NUDT5: variants seen among roughly 807,000 people sequenced by gnomAD.
NUDT5 encodes ADP-sugar pyrophosphatase.
NUDT5 carries 21 observed loss-of-function variants against 34.1 expected under a neutral mutation model. That is an observed-to-expected ratio of 0.62 (90% CI 0.44 to 0.89). NUDT5 has a LOEUF of 0.89. Ranked by LOEUF, NUDT5 falls within the 40% of genes least tolerant of loss-of-function variation. The pLI, the probability that NUDT5 is intolerant of heterozygous loss-of-function variation, is 0.00. For synonymous variants in NUDT5, 85 were observed against 97.6 expected (o/e 0.87, Z 0.76); for missense variants, 249 against 274.8 (o/e 0.91, Z 0.66).
intron 1 of NUDT5, among the ~76,000 whole-genome samples, chr10:12,186,801 A>G (rs953345756): frequency 2.0e-5 from 3 of 151,262 alleles, no homozygotes; most frequent in African/African-American, 7.3e-5. Context: ...TAATTTTTAT[A>G]TTTTTAGTAG....
In NUDT5 at chr10:12,166,402, C is replaced by T. The variant is rs1834694093; in HGVS notation, c.*1300G>A. 6.3e-6 allele frequency: 1 copy of T among 159,448 alleles called. No homozygotes were observed. Among genetic ancestry groups the T allele is most frequent in the Non-Finnish European group, 1.4e-5 (1 of 72,112 alleles). 9.9% of individuals were successfully genotyped at this position (159,448 alleles called of 1,614,324 possible). ...CTACCATTACAGGAAGTAGTTGGATCTTAATTTTCACATGTATAGGGCTAG... is the reference window on the plus strand; with the variant it reads ...CTACCATTACAGGAAGTAGTTGGATTTTAATTTTCACATGTATAGGGCTAG... On this transcript the variant is annotated 3_prime_UTR_variant, in exon 10 of 10. Transcript: ENST00000491614.
chr10:12,183,201 T>A (rs1835071790), intron 3 of NUDT5, among the ~76,000 whole-genome samples: 1 of 152,244 alleles, frequency 6.6e-6, no homozygotes, highest in East Asian at 1.9e-4. Flanking sequence ...TCCCTAAGAC[T>A]TGGGCCTTGC....
chr10:12,173,906 G>C lies in NUDT5; in HGVS notation c.290-93C>G. 3 of 920,496 alleles carry C rather than the reference G, an allele frequency of 3.3e-6. No individual in the cohort carries two copies. The Admixed American group carries it at 5.3e-5, about 16-fold the overall frequency. The allele number at this position is 920,496 out of a possible 1,614,324, so 57.0% of individuals were successfully genotyped here. On this transcript the variant is annotated intron_variant, in intron 5 of 9. Transcript: ENST00000491614. This position sits in a 1 kb window ranked among gnomAD's most constrained non-coding sequence, Gnocchi z 4.7. ...TTTTGAGATGGAGTCTCACTCTGTC[G>C]CCCAGGCTGGAGTGCAGTGGTGCGA... is the stretch of plus-strand genomic sequence containing the variant.
At chr10:12,188,620 A>G (rs1205958200) in intron 1 of NUDT5, among the ~76,000 whole-genome samples, 1 of 151,846 alleles carries the variant, frequency 6.6e-6, no homozygotes, top group Non-Finnish European at 1.5e-5. Flanking sequence ...AGCCCCAACT[A>G]CAGGGAAGGC....
intron 1 of NUDT5, among the ~76,000 whole-genome samples, chr10:12,191,466 G>A (rs1835230273): frequency 6.6e-6 from 1 of 152,112 alleles, no homozygotes. Flanking sequence ...CACATATAAT[G>A]ATGATTTGCG....
chr10:12,191,421 G>GT (rs1835228710), intron 1 of NUDT5, among the ~76,000 whole-genome samples: 1 of 6,830 alleles, frequency 1.5e-4, no homozygotes, highest in Admixed American at 2.3e-3. Flanking sequence ...AACCACAAAG[G>GT]AAAAACCACC....
intron 3 of NUDT5, among the ~76,000 whole-genome samples, chr10:12,183,785 G>A (rs183511556): frequency 1.4e-3 from 215 of 152,102 alleles, no homozygotes; most frequent in Middle Eastern, 6.8e-3. Context: ...TTTCTTACAC[G>A]TTATTTGGCA....
chr10:12,166,863 T>C lies in NUDT5; in HGVS notation c.*839A>G, dbSNP rs1473287404. On this transcript the variant is annotated 3_prime_UTR_variant, in exon 10 of 10. Transcript: ENST00000491614. ...CATGGGAACCAGATCAATCTGTACT[T>C]CTTGCTGTGAACTACTCTGTATTGG... 2.4e-6 allele frequency: 1 copy of C among 416,286 alleles called. No homozygotes were observed. Among genetic ancestry groups the C allele is most frequent in the Admixed American group, 2.9e-5 (1 of 34,158 alleles). The allele number at this position is 416,286 out of a possible 1,614,324, so 25.8% of individuals were successfully genotyped here. A position where few individuals can be genotyped will look rare whatever the true frequency, so the allele number is the denominator to read the frequency against.
In NUDT5 at chr10:12,171,498, T is replaced by C. The variant is rs542573688; in HGVS notation, c.488-590A>G. Among the ~76,000 whole-genome samples the C allele has an allele frequency of 2.6e-4, 39 of 152,294 alleles. No individual in the cohort carries two copies. Among genetic ancestry groups the C allele is most frequent in the African/African-American group, 8.9e-4 (37 of 41,554 alleles). On this transcript the variant is annotated intron_variant, in intron 7 of 9. Coordinates refer to ENST00000491614, the MANE Select transcript of NUDT5 (RefSeq NM_014142.4). The surrounding 1 kb of genome is among the most constrained non-coding windows in gnomAD (Gnocchi z 4.2). ...TTCATCTGCTGGCAGACACCTGGGT[T>C]GTTTCCACAGAGGCGGCCATGAACA... is the stretch of plus-strand genomic sequence containing the variant.
In NUDT5 at chr10:12,173,655, A is replaced by G; in HGVS notation, c.385+63T>C. On this transcript the variant is annotated intron_variant, in intron 6 of 9. Coordinates refer to ENST00000491614, the MANE Select transcript of NUDT5 (RefSeq NM_014142.4). The surrounding 1 kb of genome is among the most constrained non-coding windows in gnomAD (Gnocchi z 4.7). Reference sequence around the variant, plus strand: ...GAATTCTGAGCGTAAAGAACACCCAAATAATCAATCCCTTCCCAGACGGAG... The same window carrying G: ...GAATTCTGAGCGTAAAGAACACCCAGATAATCAATCCCTTCCCAGACGGAG... 1 of 1,252,774 alleles carries G rather than the reference A, an allele frequency of 8.0e-7. No individual in the cohort carries two copies. Among genetic ancestry groups the G allele is most frequent in the Non-Finnish European group, 1.2e-6 (1 of 850,998 alleles). 77.6% of individuals were successfully genotyped at this position (1,252,774 alleles called of 1,614,324 possible).
At chr10:12,179,287 GA>G (rs1302770262) in intron 3 of NUDT5, among the ~76,000 whole-genome samples, 155 bp from the exon 4 acceptor site, 1 of 152,226 alleles carries the variant, frequency 6.6e-6, no homozygotes, top group African/African-American at 2.4e-5. Flanking sequence ...CTGCATTAAA[GA>G]AGCTAATTCT....
chr10:12,189,113 CT>C (rs35364431), intron 1 of NUDT5, among the ~76,000 whole-genome samples: 2 of 150,020 alleles, frequency 1.3e-5, no homozygotes, highest in African/African-American at 4.9e-5. Flanking sequence ...ATTAGGTAAA[CT>C]TTTTTTTTTG....
At chr10:12,194,949 G>A (rs1420488564) in intron 1 of NUDT5, among the ~76,000 whole-genome samples, 1 of 152,216 alleles carries the variant, frequency 6.6e-6, no homozygotes, top group African/African-American at 2.4e-5. Context: ...GATCACCTAA[G>A]GTTAGGAGTT....
At chr10:12,185,095 G>C (rs555169117) in intron 2 of NUDT5, 139 bp from the exon 3 acceptor site, 17 of 536,162 alleles carry the variant, frequency 3.2e-5, no homozygotes, top group African/African-American at 2.5e-4. Flanking sequence ...CTGTGGGCAC[G>C]TTTTTCAGTT....
chr10:12,183,428 G>C (rs77547014), intron 3 of NUDT5, among the ~76,000 whole-genome samples: 364 of 152,246 alleles, frequency 2.4e-3, no homozygotes, highest in Non-Finnish European at 4.3e-3. Flanking sequence ...TAAGGGCTTT[G>C]CTAGTTTAGT....
intron 1 of NUDT5, 115 bp from the exon 2 acceptor site, chr10:12,186,447 G>A: frequency 1.6e-6 from 1 of 636,464 alleles, no homozygotes; most frequent in Non-Finnish European, 2.8e-6. Context: ...CATCAACGCT[G>A]CCTGTCTCAG....
rs11972 is a variant in NUDT5 at position 12,165,509 on chromosome 10, A to C, written c.*2193T>G. 1 of 282,428 alleles carries C rather than the reference A, an allele frequency of 3.5e-6. No individual in the cohort carries two copies. The highest frequency in any genetic ancestry group is 1.7e-4 in the East Asian group (1 of 5,724). The allele number at this position is 282,428 out of a possible 1,614,324, so 17.5% of individuals were successfully genotyped here. ...TAATTACACTTCAAACTTTAATCCT[A>C]AATTATTGACAGATAGATAGATAGT... On this transcript the variant is annotated 3_prime_UTR_variant, in exon 10 of 10. Coordinates refer to ENST00000491614, the MANE Select transcript of NUDT5 (RefSeq NM_014142.4).
chr10:12,172,548 C>T (rs567826265), intron 7 of NUDT5: 2 of 582,562 alleles, frequency 3.4e-6, no homozygotes, highest in South Asian at 4.2e-5. Context: ...TGTCATTTAA[C>T]ATTTTTTTAC....
chr10:12,183,196 A>G (rs1381606386), intron 3 of NUDT5, among the ~76,000 whole-genome samples: 1 of 152,234 alleles, frequency 6.6e-6, no homozygotes, highest in Non-Finnish European at 1.5e-5. Context: ...GGTGCTCCCT[A>G]AGACTTGGGC....
Sources: gnomAD v4.1 joint callset for allele counts (sites outside exome capture counted in the v4.1 genomes callset) on GRCh38, gnomAD v4.1.1 for gene constraint, Gnocchi (gnomAD v3.1) non-coding constraint, MANE v1.5 for transcripts, NCBI Gene and HGNC (gene_info 2026-07-23, HGNC 2026-07-21) for gene names.